The following MAGI2 variants were observed in gnomAD, a reference collection of about 807,000 sequenced individuals.
MAGI2 encodes membrane associated guanylate kinase, WW and PDZ domain containing 2.
MAGI2 carries 35 observed loss-of-function variants against 133.3 expected under a neutral mutation model. That is an observed-to-expected ratio of 0.26 (90% CI 0.20 to 0.35). MAGI2 has a LOEUF of 0.35. Among genes scored for constraint, MAGI2 ranks in the 10% least tolerant of loss-of-function variants. The pLI is 1.00. For missense variants in MAGI2, 1,636 were observed against 1,863.4 expected (o/e 0.88, Z 2.25); for synonymous variants, 729 against 710.6 (o/e 1.03, Z -0.41).
chr7:78,511,752 G>A (rs1344946758), intron 4 of MAGI2, among the ~76,000 whole-genome samples: 12 of 148,632 alleles, frequency 8.1e-5, no homozygotes, highest in African/African-American at 2.2e-4. Context: ...TTGACTCTTC[G>A]TGCTCTGAAG....
chr7:78,549,884 C>G (rs902720910), intron 3 of MAGI2, among the ~76,000 whole-genome samples: 4 of 152,112 alleles, frequency 2.6e-5, no homozygotes, highest in African/African-American at 9.7e-5. Flanking sequence ...TTTTGGCTTA[C>G]CTAGAGTTTC....
At chr7:78,838,419 C>G (rs1327856324) in intron 2 of MAGI2, among the ~76,000 whole-genome samples, 1 of 151,886 alleles carries the variant, frequency 6.6e-6, no homozygotes. Context: ...ACTGGCTTGT[C>G]AAATCTACCA....
At chr7:78,371,943 C>G (rs543829061) in intron 6 of MAGI2, among the ~76,000 whole-genome samples, 1 of 152,174 alleles carries the variant, frequency 6.6e-6, no homozygotes, top group East Asian at 1.9e-4. Context: ...CCATTTGTTT[C>G]ATTTTAAATA....
intron 1 of MAGI2, among the ~76,000 whole-genome samples, chr7:79,293,719 G>C (rs1239097918): frequency 6.6e-6 from 1 of 152,204 alleles, no homozygotes; most frequent in Non-Finnish European, 1.5e-5. Context: ...TCAAGGGACA[G>C]AGCTAATATT....
chr7:78,171,384 C>T (rs1448857659), intron 14 of MAGI2, among the ~76,000 whole-genome samples: 5 of 152,154 alleles, frequency 3.3e-5, no homozygotes, highest in African/African-American at 1.2e-4. Flanking sequence ...TAGGAATCAC[C>T]GGGTGAGCTT....
chr7:78,695,124 C>G (rs1321462958), intron 2 of MAGI2, among the ~76,000 whole-genome samples: 1 of 152,054 alleles, frequency 6.6e-6, no homozygotes, highest in East Asian at 1.9e-4. Flanking sequence ...ACTCGGGAGG[C>G]TGAGGCAGGA....
chr7:78,823,539 C>A (rs1251968782), intron 2 of MAGI2, among the ~76,000 whole-genome samples: 1 of 145,432 alleles, frequency 6.9e-6, no homozygotes, highest in East Asian at 2.0e-4. Context: ...GCCCGGATCG[C>A]GCCACTGCAC....
chr7:78,690,201 A>G (rs566223899), intron 2 of MAGI2, among the ~76,000 whole-genome samples: 2 of 152,328 alleles, frequency 1.3e-5, no homozygotes, highest in African/African-American at 2.4e-5. Flanking sequence ...CAATTTTAAT[A>G]TACATTAAAA....
At chr7:78,340,394 C>T (rs1024031877) in intron 9 of MAGI2, among the ~76,000 whole-genome samples, 4 of 152,128 alleles carry the variant, frequency 2.6e-5, no homozygotes, top group African/African-American at 9.7e-5. Context: ...GGAGATGGTA[C>T]CATTCCTTCT....
chr7:78,097,968 C>A (rs899356370), intron 20 of MAGI2, among the ~76,000 whole-genome samples: 2 of 151,962 alleles, frequency 1.3e-5, no homozygotes, highest in Non-Finnish European at 2.9e-5. Flanking sequence ...TTCTCAGATT[C>A]ATAAATCTAT....
intron 3 of MAGI2, among the ~76,000 whole-genome samples, chr7:78,580,294 G>T (rs1336158310): frequency 6.6e-6 from 1 of 152,162 alleles, no homozygotes; most frequent in Non-Finnish European, 1.5e-5. Flanking sequence ...AATATCAATG[G>T]ATTAAAAGAA....
chr7:78,361,080 G>C (rs7801139), intron 7 of MAGI2, among the ~76,000 whole-genome samples: 47,629 of 151,938 alleles, frequency 0.31, 7,923 homozygotes, highest in East Asian at 0.57. Context: ...GCCTAAACAA[G>C]GGCCTGATTT....
Position 79,049,695 on chromosome 7 carries a change from C to T in MAGI2, c.302-42489G>A, listed in dbSNP as rs1812501428. On this transcript the variant is annotated intron_variant, in intron 1 of 21. Coordinates refer to ENST00000354212, the MANE Select transcript of MAGI2 (RefSeq NM_012301.4). ...CTTGTTATTTTTATGTTTTTTATTCCTTACTCATATTTTACTACCTCTCAT... is the reference window on the plus strand; with the variant it reads ...CTTGTTATTTTTATGTTTTTTATTCTTTACTCATATTTTACTACCTCTCAT... 4.0e-5 allele frequency among the ~76,000 whole-genome samples: 6 copies of T among 151,332 alleles called. 1 individual carries two copies. In the South Asian group the frequency reaches 1.2e-3, roughly 32 times the overall value.
chr7:78,889,700 G>A (rs1471354774), intron 2 of MAGI2, among the ~76,000 whole-genome samples: 1 of 152,170 alleles, frequency 6.6e-6, no homozygotes, highest in African/African-American at 2.4e-5. Context: ...TCACCACCAG[G>A]CCTGCCCTAA....
Position 78,256,046 on chromosome 7 carries a change from C to G in MAGI2, c.1944G>C (p.Glu648Asp), listed in dbSNP as rs1220854646. ...PGLCEGDLIV[E>D]INQQNVQNLS... ...GGTTCTGTACATTCTGCTGGTTGAT[C>G]TCAACAATGAGGTCGCCTTCACACA... The change falls in exon 10 of 22, where the codon GAG (glutamate) becomes GAC (aspartate). Residue 648 changes from glutamate (E) to aspartate (D), a missense_variant. Coordinates refer to ENST00000354212, the MANE Select transcript of MAGI2 (RefSeq NM_012301.4). The G allele has an allele frequency of 6.2e-7, 1 of 1,613,528 alleles. No homozygotes were observed. The highest frequency in any genetic ancestry group is 1.3e-5 in the African/African-American group (1 of 74,886).
intron 9 of MAGI2, among the ~76,000 whole-genome samples, chr7:78,293,083 T>C (rs1256901917): frequency 5.3e-5 from 8 of 152,080 alleles, no homozygotes; most frequent in Non-Finnish European, 8.8e-5. Context: ...AATTGACAAA[T>C]GGGATCTAAT....
At chr7:79,282,353 G>A (rs1042129768) in intron 1 of MAGI2, among the ~76,000 whole-genome samples, 5 of 152,106 alleles carry the variant, frequency 3.3e-5, no homozygotes, top group South Asian at 4.1e-4. Flanking sequence ...TTTTACTTGC[G>A]GGCTGTGATG....
At chr7:78,992,404 T>C (rs1177739973) in intron 2 of MAGI2, among the ~76,000 whole-genome samples, 1 of 152,056 alleles carries the variant, frequency 6.6e-6, no homozygotes, top group Non-Finnish European at 1.5e-5. Context: ...AGTTACAATA[T>C]ATTAAAGTTT....
chr7:79,225,453 G>A (rs1002159281), intron 1 of MAGI2, among the ~76,000 whole-genome samples: 8 of 152,088 alleles, frequency 5.3e-5, no homozygotes, highest in Non-Finnish European at 7.4e-5. Flanking sequence ...ATAGTGCAAC[G>A]AAGTTACTGT....
Sources: allele counts gnomAD v4.1 joint callset (sites outside exome capture counted in the v4.1 genomes callset), GRCh38; gene constraint gnomAD v4.1.1; transcripts MANE v1.5; gene names NCBI Gene and HGNC (gene_info 2026-07-23, HGNC 2026-07-21).